ARHGEF28: variants seen among roughly 807,000 people sequenced by gnomAD.
The protein encoded by ARHGEF28 is Rho guanine nucleotide exchange factor 28.
Under a neutral mutation model 206.6 loss-of-function variants are expected in ARHGEF28, and 152 were observed. That is an observed-to-expected ratio of 0.74 (90% CI 0.64 to 0.84). The LOEUF is 0.84. ARHGEF28 is among the 40% of genes least tolerant of loss of function. The pLI, the probability that ARHGEF28 is intolerant of heterozygous loss-of-function variation, is 0.00. For missense variants in ARHGEF28, 2,028 were observed against 2,073.2 expected, an observed-to-expected ratio of 0.98 and a Z score of 0.42; for synonymous variants, 763 against 776.4, an observed-to-expected ratio of 0.98 and a Z score of 0.29.
chr5:73,670,215 T>A (rs1322448933), intron 1 of ARHGEF28, among the ~76,000 whole-genome samples: 1 of 152,196 alleles, frequency 6.6e-6, no homozygotes, highest in Non-Finnish European at 1.5e-5. Context: ...AAATTTTTCG[T>A]TTAAAAATAT....
At position 73,749,923 on chromosome 5, in the gene ARHGEF28, T is replaced by C; in HGVS notation, c.120T>C (p.His40=). Residue 40 remains histidine, a synonymous_variant, in exon 3 of 36, where the codon CAT becomes CAC. Transcript: ENST00000513042. The part of the protein sequence containing the change: ...AEFYFTYDGS[H]QRHVMIAERI... ...TTTACTTTACTTATGACGGATCTCA[T>C]CAGCGACATGTCATGATTGCAGAGC... The C allele has an allele frequency of 6.2e-7, 1 of 1,614,026 alleles. No homozygotes were observed. Among genetic ancestry groups the C allele is most frequent in the Non-Finnish European group, 8.5e-7 (1 of 1,179,894 alleles).
chr5:73,744,542 A>ATT (rs5868692), intron 2 of ARHGEF28, among the ~76,000 whole-genome samples: 3 of 151,282 alleles, frequency 2.0e-5, no homozygotes, highest in Non-Finnish European at 4.4e-5. Context: ...CTCTGTATAG[A>ATT]TTTTTTTTTC....
intron 35 of ARHGEF28, among the ~76,000 whole-genome samples, chr5:73,914,076 T>G (rs1763068291): frequency 6.6e-6 from 1 of 152,206 alleles, no homozygotes; most frequent in South Asian, 2.1e-4. Flanking sequence ...GTTTTTTCAG[T>G]ACAGCCTCAG....
chr5:73,726,265 G>T (rs1750266290), intron 2 of ARHGEF28, among the ~76,000 whole-genome samples: 1 of 152,152 alleles, frequency 6.6e-6, no homozygotes, highest in Non-Finnish European at 1.5e-5. Flanking sequence ...GGAACTTCTG[G>T]GCACTGCACT....
chr5:73,709,018 G>A (rs1239221573), intron 2 of ARHGEF28, among the ~76,000 whole-genome samples: 3 of 151,922 alleles, frequency 2.0e-5, no homozygotes, highest in Non-Finnish European at 2.9e-5. Context: ...CATGTCTTTT[G>A]CCCACTTTTG....
At chr5:73,899,398 C>T (rs906567578) in intron 30 of ARHGEF28, 4 of 152,218 alleles carry the variant, frequency 2.6e-5, no homozygotes, top group African/African-American at 9.7e-5. Context: ...TGAAGGTCTC[C>T]TTGTCTGTAT....
chr5:73,770,394 TGTCTTGG>T (rs1006484074), intron 4 of ARHGEF28, among the ~76,000 whole-genome samples: 29 of 152,220 alleles, frequency 1.9e-4, no homozygotes, highest in African/African-American at 6.0e-4. Flanking sequence ...TTCCTTTTTG[TGTCTTGG>T]TTTTCATGCT....
At chr5:73,637,719 C>A (rs1743816538) in intron 1 of ARHGEF28, among the ~76,000 whole-genome samples, 1 of 152,158 alleles carries the variant, frequency 6.6e-6, no homozygotes, top group African/African-American at 2.4e-5. Context: ...TGCTGTAAGG[C>A]AGACATATGC....
chr5:73,886,444 C>A (rs1761302834), intron 25 of ARHGEF28, among the ~76,000 whole-genome samples: 1 of 152,208 alleles, frequency 6.6e-6, no homozygotes, highest in Non-Finnish European at 1.5e-5. Flanking sequence ...TACACCTACA[C>A]ACCTAGGGTC....
chr5:73,835,028 C>T (rs1757536717), intron 10 of ARHGEF28: 1 of 152,126 alleles, frequency 6.6e-6, no homozygotes, highest in African/African-American at 2.4e-5. Context: ...GTGGGCTGGT[C>T]ACCGGAAAGG....
chr5:73,779,673 ATC>A (rs1362708948), intron 6 of ARHGEF28, among the ~76,000 whole-genome samples: 1 of 152,002 alleles, frequency 6.6e-6, no homozygotes, highest in Non-Finnish European at 1.5e-5. Context: ...TTATGTGGCC[ATC>A]TCATCACTAC....
At chr5:73,726,083 C>T (rs570747580) in intron 2 of ARHGEF28, among the ~76,000 whole-genome samples, 175 of 152,196 alleles carry the variant, frequency 1.1e-3, no homozygotes, top group African/African-American at 3.9e-3. Flanking sequence ...TCTAAATTTT[C>T]CTATTAGCCT....
chr5:73,689,423 C>A (rs1400324287), intron 2 of ARHGEF28, among the ~76,000 whole-genome samples: 2 of 152,114 alleles, frequency 1.3e-5, no homozygotes, highest in Non-Finnish European at 2.9e-5. Flanking sequence ...GCTCACTGCA[C>A]CCTCGACCAC....
intron 9 of ARHGEF28, among the ~76,000 whole-genome samples, chr5:73,808,399 C>A (rs894828923): frequency 6.6e-6 from 1 of 152,094 alleles, no homozygotes; most frequent in Non-Finnish European, 1.5e-5. Flanking sequence ...AGAGTGACAG[C>A]GTCTTGGCAC....
At chr5:73,813,736 C>T (rs1281273188) in intron 9 of ARHGEF28, 2 of 1,494,202 alleles carry the variant, frequency 1.3e-6, no homozygotes, top group South Asian at 1.2e-5. Context: ...CTTTCTTTTC[C>T]GTGTTTCTTT....
chr5:73,792,072 T>G (rs1049157151), intron 7 of ARHGEF28, among the ~76,000 whole-genome samples: 1 of 152,204 alleles, frequency 6.6e-6, no homozygotes, highest in Non-Finnish European at 1.5e-5. Flanking sequence ...AGCTCTAAGA[T>G]ATGGTTCTGT....
At chr5:73,858,344 T>C (rs960250336) in intron 16 of ARHGEF28, 125 bp downstream of exon 16, 2 of 1,264,324 alleles carry the variant, frequency 1.6e-6, no homozygotes, top group African/African-American at 3.0e-5. Flanking sequence ...CTGAACCGTT[T>C]ACCAAGCAAG....
intron 9 of ARHGEF28, among the ~76,000 whole-genome samples, chr5:73,807,866 T>C (rs910773695): frequency 6.6e-6 from 1 of 151,588 alleles, no homozygotes. Flanking sequence ...TTATTAATAA[T>C]AGATTATAAT....
intron 29 of ARHGEF28, among the ~76,000 whole-genome samples, chr5:73,897,091 C>T (rs916992845): frequency 1.3e-5 from 2 of 152,204 alleles, no homozygotes; most frequent in Admixed American, 6.5e-5. Context: ...AGCTTTTCCT[C>T]CTTCCTTTCT....
Sources: allele counts gnomAD v4.1 joint callset (sites outside exome capture counted in the v4.1 genomes callset), GRCh38; gene constraint gnomAD v4.1.1; transcripts MANE v1.5; gene names NCBI Gene and HGNC (gene_info 2026-07-23, HGNC 2026-07-21).